MDGA2: variants seen among roughly 807,000 people sequenced by gnomAD.
MDGA2 encodes MAM domain containing glycosylphosphatidylinositol anchor 2.
MDGA2 carries 40 observed loss-of-function variants against 117.8 expected under a neutral mutation model. The observed-to-expected ratio is 0.34, with a 90% CI of 0.26 to 0.44. The LOEUF (loss-of-function observed/expected upper bound fraction) is 0.44. MDGA2 is among the 20% of genes least tolerant of loss of function. The pLI, the probability that MDGA2 is intolerant of heterozygous loss-of-function variation, is 1.00. For synonymous variants in MDGA2, 452 were observed against 439.0 expected, an observed-to-expected ratio of 1.03 and a Z score of -0.37; for missense variants, 1,123 against 1,250.6, an observed-to-expected ratio of 0.90 and a Z score of 1.54.
At chr14:46,990,901 C>A (rs868568234) in intron 8 of MDGA2, among the ~76,000 whole-genome samples, 3,583 of 145,268 alleles carry the variant, frequency 0.025, 150 homozygotes, top group African/African-American at 0.085. Flanking sequence ...CACACACACA[C>A]CCCGCGTAAG....
chr14:47,506,030 A>T (rs552756945), intron 1 of MDGA2, among the ~76,000 whole-genome samples: 14 of 152,326 alleles, frequency 9.2e-5, no homozygotes, highest in Admixed American at 8.5e-4. Context: ...ACATGCACAT[A>T]AATAACTACT....
In MDGA2 at chr14:47,370,468, G is replaced by GTCTTTTTTTTTT. The variant is rs1891322901; in HGVS notation, c.281-68919_281-68918insAAAAAAAAAAGA. ...TTACTATTTTCTAGGTCTACTTACTGTTTTTTTTTTTTTTTTTTTTTTTTT... is the reference window on the plus strand; with the variant it reads ...TTACTATTTTCTAGGTCTACTTACTGTCTTTTTTTTTTTTTTTTTTTTTTTTTTTTTTTTTTT... On this transcript the variant is annotated intron_variant, in intron 1 of 16. Coordinates refer to ENST00000399232, the MANE Select transcript of MDGA2 (RefSeq NM_001113498.3). 9.7e-5 allele frequency among the ~76,000 whole-genome samples: 2 copies of GTCTTTTTTTTTT among 20,684 alleles called. 1 individual carries two copies. Among genetic ancestry groups the GTCTTTTTTTTTT allele is most frequent in the East Asian group, 5.0e-3 (2 of 398 alleles). 13.6% of individuals were successfully genotyped at this position (20,684 alleles called of 152,430 possible). A position where few individuals can be genotyped will look rare whatever the true frequency, so the allele number is the denominator to read the frequency against.
At chr14:47,633,471 T>G (rs531161068) in intron 1 of MDGA2, among the ~76,000 whole-genome samples, 1 of 152,350 alleles carries the variant, frequency 6.6e-6, no homozygotes, top group Non-Finnish European at 1.5e-5. Flanking sequence ...GGATAATCTC[T>G]AACACTGTTT....
intron 8 of MDGA2, among the ~76,000 whole-genome samples, chr14:46,968,105 G>T (rs1408355548): frequency 6.6e-6 from 1 of 152,204 alleles, no homozygotes; most frequent in Admixed American, 6.5e-5. Flanking sequence ...ACTGTGACCT[G>T]CCCTGGGGCT....
intron 3 of MDGA2, among the ~76,000 whole-genome samples, chr14:47,169,539 T>C (rs1884034373): frequency 6.6e-6 from 1 of 151,956 alleles, no homozygotes; most frequent in Non-Finnish European, 1.5e-5. Flanking sequence ...TGGTAACCAG[T>C]AATTTTGCTA....
intron 9 of MDGA2, among the ~76,000 whole-genome samples, chr14:46,931,226 A>C (rs929975129): frequency 2.0e-5 from 3 of 151,516 alleles, no homozygotes; most frequent in Admixed American, 6.7e-5. Context: ...AAAAAAAAAA[A>C]AAAAAAAAAA....
At chr14:47,576,912 CT>C (rs1257780383) in intron 1 of MDGA2, among the ~76,000 whole-genome samples, 3 of 152,048 alleles carry the variant, frequency 2.0e-5, no homozygotes, top group African/African-American at 7.2e-5. Context: ...CTATACCCCC[CT>C]AATTTTGTTT....
chr14:47,626,186 A>G (rs1169099430), intron 1 of MDGA2, among the ~76,000 whole-genome samples: 3 of 152,190 alleles, frequency 2.0e-5, no homozygotes, highest in Non-Finnish European at 4.4e-5. Context: ...CATTTTCTAC[A>G]TGGCAGATAG....
intron 8 of MDGA2, among the ~76,000 whole-genome samples, chr14:47,025,766 TG>T (rs1888450712): frequency 6.6e-6 from 1 of 151,950 alleles, no homozygotes; most frequent in South Asian, 2.1e-4. Flanking sequence ...GACTGCCATA[TG>T]TGTTTGGGAC....
At chr14:47,479,236 C>T (rs2207537) in intron 1 of MDGA2, among the ~76,000 whole-genome samples, 119,394 of 151,730 alleles carry the variant, frequency 0.79, 47,182 homozygotes, top group East Asian at 1. Flanking sequence ...TGAATAAGGC[C>T]TAAATCACTT....
chr14:47,604,176 T>C (rs920896091), intron 1 of MDGA2, among the ~76,000 whole-genome samples: 1 of 152,156 alleles, frequency 6.6e-6, no homozygotes, highest in African/African-American at 2.4e-5. Context: ...ATATGGCTGA[T>C]TAACAGAATA....
chr14:46,981,571 A>C (rs1385796905), intron 8 of MDGA2, among the ~76,000 whole-genome samples: 5 of 152,208 alleles, frequency 3.3e-5, no homozygotes, highest in African/African-American at 1.2e-4. Flanking sequence ...ATGAACCTTT[A>C]AATAATACAA....
At chr14:47,591,334 G>A (rs1283928404) in intron 1 of MDGA2, among the ~76,000 whole-genome samples, 1 of 151,888 alleles carries the variant, frequency 6.6e-6, no homozygotes, top group Non-Finnish European at 1.5e-5. Flanking sequence ...AGTTAAGACA[G>A]CATGACATTT....
At chr14:47,030,114 C>A (rs1347751240) in intron 8 of MDGA2, among the ~76,000 whole-genome samples, 1 of 151,984 alleles carries the variant, frequency 6.6e-6, no homozygotes, top group Non-Finnish European at 1.5e-5. Flanking sequence ...GTGTGAGCCA[C>A]CCCCCGCCCA....
At chr14:47,176,017 G>A (rs879589569) in intron 3 of MDGA2, among the ~76,000 whole-genome samples, 1 of 152,076 alleles carries the variant, frequency 6.6e-6, no homozygotes, top group African/African-American at 2.4e-5. Flanking sequence ...CAGATGAACA[G>A]AGAGCCAAAT....
At chr14:47,561,179 G>GTTTTTTTTTTTTTTTTTTT (rs1299123339) in intron 1 of MDGA2, among the ~76,000 whole-genome samples, 1 of 71,620 alleles carries the variant, frequency 1.4e-5, no homozygotes, top group African/African-American at 4.7e-5. Flanking sequence ...TTGTTTGTTT[G>GTTTTTTTTTTTTTTTTTTT]TTTTTTTTTG....
intron 1 of MDGA2, among the ~76,000 whole-genome samples, chr14:47,669,685 G>C (rs1398368867): frequency 6.6e-6 from 1 of 152,056 alleles, no homozygotes; most frequent in East Asian, 1.9e-4. Context: ...AGGGACAATG[G>C]AGTGAGAAGA....
intron 8 of MDGA2, among the ~76,000 whole-genome samples, chr14:47,013,811 CAG>C (rs1423599756): frequency 2.6e-5 from 2 of 76,616 alleles, no homozygotes; most frequent in Non-Finnish European, 5.6e-5. Context: ...TTTTTTTTGA[CAG>C]AGTGTTGCTC....
intron 3 of MDGA2, among the ~76,000 whole-genome samples, chr14:47,209,088 G>A (rs1016892259): frequency 9.9e-5 from 15 of 151,864 alleles, no homozygotes; most frequent in Admixed American, 9.2e-4. Context: ...TAGTGAGAGG[G>A]CTAATGAATG....
Sources: allele counts gnomAD v4.1 joint callset (sites outside exome capture counted in the v4.1 genomes callset), GRCh38; gene constraint gnomAD v4.1.1; transcripts MANE v1.5; gene names NCBI Gene and HGNC (gene_info 2026-07-23, HGNC 2026-07-21).